ABCC1: variants seen among roughly 807,000 people sequenced by gnomAD.
The protein encoded by ABCC1 is ATP binding cassette subfamily C member 1 (ABCC1 blood group).
A neutral mutation model predicts 172.9 loss-of-function variants in ABCC1; 83 were observed. The observed-to-expected ratio is 0.48, with a 90% confidence interval of 0.40 to 0.58. The LOEUF is 0.58. Ranked by LOEUF, ABCC1 falls within the 20% of genes least tolerant of loss-of-function variation. The probability of loss-of-function intolerance (pLI) is 0.00; values close to 1 mark genes in which losing one functional copy is unlikely to be tolerated. For missense variants in ABCC1, 1,817 were observed against 2,002.7 expected (o/e 0.91, Z 1.77); for synonymous variants, 937 against 825.2 (o/e 1.14, Z -2.32).
chr16:16,056,009 T>G (rs2049635307), intron 11 of ABCC1, 83 bp from the exon 12 acceptor site: 1 of 1,239,964 alleles, frequency 8.1e-7, no homozygotes, highest in Admixed American at 2.2e-5. Context: ...TAATAAAGTT[T>G]ATGAGAAAAA....
At chr16:16,122,270 A>G in intron 24 of ABCC1, 96 bp downstream of exon 24, 1 of 1,370,142 alleles carries the variant, frequency 7.3e-7, no homozygotes, top group African/African-American at 1.4e-5. Context: ...AGCTGGGTAT[A>G]AAGCCAAACC....
In ABCC1 at chr16:16,083,572, A is replaced by G. The variant is rs2050889250; in HGVS notation, c.2292+30A>G. ...GTATAGGTTGGATGTTGGCCCCTGA[A>G]TCAGTCAGCTGTTGCCGCGTAACAA... is the stretch of plus-strand genomic sequence containing the variant. On this transcript the variant is annotated intron_variant, in intron 17 of 30. Transcript: ENST00000399410. The G allele has an allele frequency of 2.5e-6, 4 of 1,591,648 alleles. No homozygotes were observed. The African/African-American group carries it at 5.4e-5, about 21-fold the overall frequency.
At chr16:16,036,038 C>T (rs995104604) in intron 6 of ABCC1, among the ~76,000 whole-genome samples, 1 of 151,962 alleles carries the variant, frequency 6.6e-6, no homozygotes, top group African/African-American at 2.4e-5. Flanking sequence ...ATGGGAGAAC[C>T]ACTCTAGACC....
At chr16:16,028,098 C>T (rs551797913) in intron 5 of ABCC1, among the ~76,000 whole-genome samples, 1 of 152,268 alleles carries the variant, frequency 6.6e-6, no homozygotes, top group East Asian at 1.9e-4. Context: ...TCCACCCCTG[C>T]CGCCTTCCTT....
intron 1 of ABCC1, among the ~76,000 whole-genome samples, chr16:15,981,281 G>A (rs1254142877): frequency 6.6e-6 from 1 of 152,212 alleles, no homozygotes; most frequent in East Asian, 1.9e-4. Flanking sequence ...AGCTCCACTA[G>A]GCAGTGTCCC....
chr16:16,136,957 G>A (rs950511304), intron 29 of ABCC1, among the ~76,000 whole-genome samples: 1 of 152,156 alleles, frequency 6.6e-6, no homozygotes, highest in South Asian at 2.1e-4. Context: ...CACTAGCACT[G>A]CTCTGAGCCC....
intron 6 of ABCC1, 77 bp downstream of exon 6, chr16:16,033,247 A>G (rs528268276): frequency 7.1e-7 from 1 of 1,407,630 alleles, no homozygotes; most frequent in African/African-American, 1.4e-5. Context: ...GAACATGCTC[A>G]GCTCCCCCTC....
chr16:16,058,090 T>C (rs1312149310), intron 12 of ABCC1, among the ~76,000 whole-genome samples: 2 of 152,134 alleles, frequency 1.3e-5, no homozygotes, highest in African/African-American at 4.8e-5. Flanking sequence ...CTGGTACCTG[T>C]CCTGGGGTAT....
chr16:16,056,972 A>G (rs1472202571), intron 12 of ABCC1, among the ~76,000 whole-genome samples: 1 of 152,076 alleles, frequency 6.6e-6, no homozygotes, highest in East Asian at 1.9e-4. Flanking sequence ...TTTGTCACCA[A>G]CTGGTCACAA....
intron 5 of ABCC1, among the ~76,000 whole-genome samples, chr16:16,022,369 A>T (rs1486771663): frequency 6.6e-6 from 1 of 152,102 alleles, no homozygotes; most frequent in Non-Finnish European, 1.5e-5. Flanking sequence ...GCTGACCAAG[A>T]CTGCCAGAGC....
intron 12 of ABCC1, among the ~76,000 whole-genome samples, chr16:16,067,708 T>C (rs2050164675): frequency 6.6e-6 from 1 of 152,154 alleles, no homozygotes; most frequent in African/African-American, 2.4e-5. Flanking sequence ...TGAAAATACA[T>C]GGGCCGATGG....
At chr16:15,971,677 A>G (rs1045557634) in intron 1 of ABCC1, among the ~76,000 whole-genome samples, 2 of 152,268 alleles carry the variant, frequency 1.3e-5, no homozygotes, top group African/African-American at 2.4e-5. Context: ...GGGTGGATCT[A>G]AGGGTCCTCG....
chr16:16,058,055 T>TA lies in ABCC1; in HGVS notation c.1677+1761dup, dbSNP rs559327687. The stretch of plus-strand genomic sequence containing the variant: ...GGTTGTTCCCTGTTTTTTTTGCTGT[T>TA]ATGATCCATGCTACACTGAAAGTTC... On this transcript the variant is annotated intron_variant, in intron 12 of 30. Transcript: ENST00000399410. Among the ~76,000 whole-genome samples, 206 of 152,284 alleles carry TA rather than the reference T, an allele frequency of 1.4e-3. 2 individuals are homozygous for TA. Among genetic ancestry groups the TA allele is most frequent in the African/African-American group, 4.8e-3 (198 of 41,564 alleles).
chr16:16,020,672 A>C (rs1446137081), intron 5 of ABCC1, among the ~76,000 whole-genome samples: 2 of 152,154 alleles, frequency 1.3e-5, no homozygotes, highest in Non-Finnish European at 2.9e-5. Context: ...TTTAGCTCTG[A>C]TGACTTTTTA....
intron 1 of ABCC1, among the ~76,000 whole-genome samples, chr16:15,981,647 T>G (rs997024548): frequency 1.3e-5 from 2 of 152,132 alleles, no homozygotes; most frequent in African/African-American, 4.8e-5. Flanking sequence ...AATCATTTTT[T>G]CCTCCTAGAC....
At chr16:15,963,105 A>G (rs752853700) in intron 1 of ABCC1, among the ~76,000 whole-genome samples, 4 of 152,258 alleles carry the variant, frequency 2.6e-5, no homozygotes, top group Non-Finnish European at 5.9e-5. Flanking sequence ...TGGCCAAAAC[A>G]AAGGGGCTGC....
At chr16:16,113,032 C>A (rs1035270757) in intron 22 of ABCC1, among the ~76,000 whole-genome samples, 8 of 152,148 alleles carry the variant, frequency 5.3e-5, no homozygotes, top group African/African-American at 1.7e-4. Flanking sequence ...CTCTCTGTTC[C>A]TAGGAAGTTG....
intron 3 of ABCC1, among the ~76,000 whole-genome samples, chr16:16,013,346 G>T (rs138355264): frequency 1.5e-3 from 222 of 150,482 alleles, no homozygotes; most frequent in Non-Finnish European, 2.9e-3. Flanking sequence ...TCTCAGCTCA[G>T]TGTAGCCTCC....
At position 16,045,862 on chromosome 16, in the gene ABCC1, C is replaced by T. The variant is rs373622441; in HGVS notation, c.1067C>T (p.Thr356Met). The T allele has an allele frequency of 9.9e-6, 16 of 1,614,066 alleles. 1 individual carries two copies. The highest frequency in any genetic ancestry group is 8.8e-5 in the South Asian group (8 of 91,074). Residue 356 changes from threonine (T) to methionine (M), a missense_variant, in exon 9 of 31, where the codon ACG (threonine) becomes ATG (methionine). This residue lies in a region of ABCC1 where 1,412 missense variants were observed against 1,600.3 expected (regional missense o/e 0.88). Coordinates refer to ENST00000399410, the MANE Select transcript of ABCC1 (RefSeq NM_004996.4). Reference protein sequence around the residue: ...LKLLIKFVNDTKAPDWQGYFY... With the variant: ...LKLLIKFVNDMKAPDWQGYFY... ...TTGCTCATCAAGTTCGTGAATGACA[C>T]GAAGGCCCCAGACTGGCAGGGCTAC...
Sources: gnomAD v4.1 joint callset for allele counts (sites outside exome capture counted in the v4.1 genomes callset) on GRCh38, gnomAD v4.1.1 for gene constraint, gnomAD v4.1.1 regional missense constraint, MANE v1.5 for transcripts, NCBI Gene and HGNC (gene_info 2026-07-23, HGNC 2026-07-21) for gene names.